Variants in ERBB4 observed in about 807,000 individuals in gnomAD.
The protein encoded by ERBB4 is erb-b2 receptor tyrosine kinase 4.
ERBB4 carries 42 observed loss-of-function variants against 158.0 expected under a neutral mutation model. The observed-to-expected ratio is 0.27, with a 90% CI of 0.21 to 0.34. The LOEUF (loss-of-function observed/expected upper bound fraction) is 0.34, where lower values mean the gene tolerates loss of function less well. Ranked by LOEUF, ERBB4 falls within the 10% of genes least tolerant of loss-of-function variation. The pLI, the probability that ERBB4 is intolerant of heterozygous loss-of-function variation, is 1.00. For missense variants in ERBB4, 1,333 were observed against 1,624.1 expected, an observed-to-expected ratio of 0.82 and a Z score of 3.08; for synonymous variants, 583 against 558.7, an observed-to-expected ratio of 1.04 and a Z score of -0.61.
chr2:211,835,386 A>C (rs2077318766), intron 3 of ERBB4, among the ~76,000 whole-genome samples: 1 of 95,038 alleles, frequency 1.1e-5, no homozygotes, highest in Non-Finnish European at 2.4e-5. Context: ...ACATAAAACC[A>C]CTCTGACACT....
intron 1 of ERBB4, among the ~76,000 whole-genome samples, chr2:212,149,178 A>T (rs7580754): frequency 3.1e-4 from 45 of 144,090 alleles, no homozygotes; most frequent in Middle Eastern, 3.4e-3. Flanking sequence ...TTAAAAAAAA[A>T]TTTTAAAAAA....
At chr2:212,401,553 C>T (rs1385023930) in intron 1 of ERBB4, among the ~76,000 whole-genome samples, 1 of 151,890 alleles carries the variant, frequency 6.6e-6, no homozygotes, top group African/African-American at 2.4e-5. Flanking sequence ...TGCAAGTGTA[C>T]CAAGAAATGA....
intron 2 of ERBB4, among the ~76,000 whole-genome samples, chr2:212,120,671 C>G (rs1478626611): frequency 1.2e-4 from 18 of 152,070 alleles, no homozygotes; most frequent in Admixed American, 2.0e-4. Flanking sequence ...GATAAAAATC[C>G]TTTAAAAATT....
At chr2:211,754,693 C>T (rs1338907354) in intron 4 of ERBB4, among the ~76,000 whole-genome samples, 1 of 149,900 alleles carries the variant, frequency 6.7e-6, no homozygotes, top group Non-Finnish European at 1.5e-5. Context: ...AGGCATGAGC[C>T]ACTGTGCCCG....
chr2:211,449,907 T>C (rs1003792649), intron 20 of ERBB4, among the ~76,000 whole-genome samples: 4 of 152,198 alleles, frequency 2.6e-5, no homozygotes, highest in Non-Finnish European at 5.9e-5. Context: ...CTAGGTACTA[T>C]GATATAATAG....
At chr2:212,043,313 CA>C (rs2077183014) in intron 2 of ERBB4, among the ~76,000 whole-genome samples, 1 of 152,062 alleles carries the variant, frequency 6.6e-6, no homozygotes, top group Admixed American at 6.6e-5. Flanking sequence ...TGCCTCAGGT[CA>C]AAACTAATCT....
At chr2:211,944,189 A>AG (rs754185285) in intron 3 of ERBB4, among the ~76,000 whole-genome samples, 3,595 of 51,646 alleles carry the variant, frequency 0.07, 132 homozygotes, top group Non-Finnish European at 0.09. Flanking sequence ...ATATATATAT[A>AG]TATATATATA....
chr2:212,153,108 G>T (rs139515916), intron 1 of ERBB4, among the ~76,000 whole-genome samples: 2 of 152,196 alleles, frequency 1.3e-5, no homozygotes, highest in African/African-American at 4.8e-5. Context: ...TGTTTGTTAT[G>T]CAGCATTACT....
At chr2:212,033,226 T>C (rs546310822) in intron 2 of ERBB4, among the ~76,000 whole-genome samples, 4 of 152,134 alleles carry the variant, frequency 2.6e-5, no homozygotes, top group African/African-American at 9.6e-5. Context: ...CACTTTTAGA[T>C]AGGCAATTTG....
At chr2:212,315,756 C>T (rs1356571566) in intron 1 of ERBB4, among the ~76,000 whole-genome samples, 1 of 151,418 alleles carries the variant, frequency 6.6e-6, no homozygotes, top group Non-Finnish European at 1.5e-5. Context: ...AGATTCCGGG[C>T]ATTTTGTTAA....
At chr2:211,631,198 A>C (rs1381150051) in intron 16 of ERBB4, among the ~76,000 whole-genome samples, 2 of 152,092 alleles carry the variant, frequency 1.3e-5, no homozygotes, top group East Asian at 3.9e-4. Context: ...AGATCTGTCA[A>C]CATCACCCCC....
intron 2 of ERBB4, among the ~76,000 whole-genome samples, chr2:211,970,592 A>C (rs573933289): frequency 6.6e-6 from 1 of 152,080 alleles, no homozygotes; most frequent in African/African-American, 2.4e-5. Flanking sequence ...CAATAGTTAG[A>C]TCTTCTTGCT....
chr2:212,203,878 T>A (rs2082659312), intron 1 of ERBB4, among the ~76,000 whole-genome samples: 1 of 152,198 alleles, frequency 6.6e-6, no homozygotes, highest in Non-Finnish European at 1.5e-5. Context: ...AAGATACTCT[T>A]TTTAACTTTG....
chr2:211,908,675 T>G (rs2125049772), intron 3 of ERBB4, among the ~76,000 whole-genome samples: 1 of 151,954 alleles, frequency 6.6e-6, no homozygotes, highest in African/African-American at 2.4e-5. Flanking sequence ...ATTACTGCAA[T>G]ATAACAGACC....
intron 2 of ERBB4, among the ~76,000 whole-genome samples, chr2:212,061,737 C>CTTTTTTTTTTTTT (rs71054164): frequency 1.5e-5 from 2 of 134,064 alleles, no homozygotes; most frequent in Non-Finnish European, 3.2e-5. Flanking sequence ...TTTTTCTTTT[C>CTTTTTTTTTTTTT]TTTTTTTTTT....
chr2:211,893,353 C>T (rs2079017414), intron 3 of ERBB4, among the ~76,000 whole-genome samples: 1 of 143,414 alleles, frequency 7.0e-6, no homozygotes, highest in South Asian at 2.1e-4. Context: ...AACTGGCTAG[C>T]CATATGTAGA....
At chr2:211,762,639 C>A (rs2075444611) in intron 4 of ERBB4, among the ~76,000 whole-genome samples, 1 of 152,192 alleles carries the variant, frequency 6.6e-6, no homozygotes, top group South Asian at 2.1e-4. Context: ...GCTAATGGGT[C>A]CCTGAGGAAC....
At chr2:211,922,916 A>G (rs1057061839) in intron 3 of ERBB4, among the ~76,000 whole-genome samples, 13 of 152,126 alleles carry the variant, frequency 8.5e-5, no homozygotes, top group African/African-American at 3.1e-4. Flanking sequence ...AGTGTTTAGT[A>G]TATTCTGGGA....
chr2:211,830,589 T>C (rs2105968967), intron 3 of ERBB4, among the ~76,000 whole-genome samples: 1 of 152,270 alleles, frequency 6.6e-6, no homozygotes, highest in South Asian at 2.1e-4. Context: ...AAAATTAGCA[T>C]AACTAAAATA....
Sources: allele counts gnomAD v4.1 joint callset (sites outside exome capture counted in the v4.1 genomes callset), GRCh38; gene constraint gnomAD v4.1.1; transcripts MANE v1.5; gene names NCBI Gene and HGNC (gene_info 2026-07-23, HGNC 2026-07-21).